Variants in TAOK3 observed in about 807,000 individuals in gnomAD.
TAOK3 encodes serine/threonine-protein kinase TAO3.
A neutral mutation model predicts 120.4 loss-of-function variants in TAOK3; 40 were observed. The ratio of observed to expected loss-of-function variants is 0.33; its 90% CI spans 0.26 to 0.43. The LOEUF (loss-of-function observed/expected upper bound fraction) is 0.43, where lower values mean the gene tolerates loss of function less well. Ranked by LOEUF, TAOK3 falls within the 20% of genes least tolerant of loss-of-function variation. The pLI is 1.00. For missense variants in TAOK3, 821 were observed against 1,112.1 expected, an observed-to-expected ratio of 0.74 and a Z score of 3.72; for synonymous variants, 355 against 387.5, an observed-to-expected ratio of 0.92 and a Z score of 0.99.
At chr12:118,278,332 C>T (rs1047781470) in intron 1 of TAOK3, among the ~76,000 whole-genome samples, 2 of 152,034 alleles carry the variant, frequency 1.3e-5, no homozygotes, top group African/African-American at 2.4e-5. Context: ...GTCTGTGATT[C>T]CCTTCTTTGT....
At chr12:118,223,354 T>C (rs1458980818) in intron 9 of TAOK3, among the ~76,000 whole-genome samples, 1 of 145,632 alleles carries the variant, frequency 6.9e-6, no homozygotes, top group African/African-American at 2.6e-5. Flanking sequence ...CCACCACGCC[T>C]GGCCATTTTT....
intron 1 of TAOK3, among the ~76,000 whole-genome samples, chr12:118,322,728 T>C: frequency 7.4e-6 from 1 of 135,346 alleles, no homozygotes; most frequent in East Asian, 2.3e-4. Flanking sequence ...CTTTTTTTTT[T>C]TTTTTTTTTT....
At chr12:118,155,343 T>C (rs1404998945) in intron 19 of TAOK3, among the ~76,000 whole-genome samples, 1 of 152,192 alleles carries the variant, frequency 6.6e-6, no homozygotes, top group East Asian at 1.9e-4. Flanking sequence ...AATTTATGTT[T>C]TGTCTATGGC....
At chr12:118,204,859 A>T (rs936338602) in intron 11 of TAOK3, among the ~76,000 whole-genome samples, 6 of 152,036 alleles carry the variant, frequency 3.9e-5, no homozygotes, top group African/African-American at 1.4e-4. Context: ...GCAAACCCCC[A>T]TCTCTACTAA....
At chr12:118,310,238 C>A (rs561051509) in intron 1 of TAOK3, among the ~76,000 whole-genome samples, 7 of 152,174 alleles carry the variant, frequency 4.6e-5, no homozygotes, top group African/African-American at 1.7e-4. Flanking sequence ...GAGCCGTGAT[C>A]GTGCCACTGC....
At position 118,346,008 on chromosome 12, in the gene TAOK3, G is replaced by C. The variant is rs534848017; in HGVS notation, c.-194+26640C>G. Among the ~76,000 whole-genome samples the C allele has an allele frequency of 3.9e-5, 6 of 152,210 alleles. No homozygotes were observed. The South Asian group carries it at 1.2e-3, about 32-fold the overall frequency. On this transcript the variant is annotated intron_variant, in intron 1 of 20. Coordinates refer to ENST00000392533, the MANE Select transcript of TAOK3 (RefSeq NM_016281.4). ...AGAAAACAATATATGTACTATAACT[G>C]TCCTAATTACTATTCCTAAAAATAC...
At chr12:118,352,936 C>G (rs769699573) in intron 1 of TAOK3, among the ~76,000 whole-genome samples, 3 of 152,186 alleles carry the variant, frequency 2.0e-5, no homozygotes, top group Non-Finnish European at 4.4e-5. Flanking sequence ...TCTCGAACTC[C>G]TGACCTCAGG....
intron 9 of TAOK3, among the ~76,000 whole-genome samples, chr12:118,230,188 T>C (rs2039700079): frequency 6.6e-6 from 1 of 152,150 alleles, no homozygotes; most frequent in African/African-American, 2.4e-5. Flanking sequence ...TTTTATCATA[T>C]AATTAACACA....
intron 13 of TAOK3, among the ~76,000 whole-genome samples, chr12:118,191,186 G>T (rs556996292): frequency 1.8e-4 from 27 of 152,070 alleles, no homozygotes; most frequent in Non-Finnish European, 3.2e-4. Flanking sequence ...TTTACATCCA[G>T]ATTTTTATGT....
chr12:118,186,716 C>T (rs1348164829), intron 14 of TAOK3, among the ~76,000 whole-genome samples: 2 of 152,136 alleles, frequency 1.3e-5, no homozygotes, highest in South Asian at 2.1e-4. Context: ...ATAATCTCTG[C>T]CCTTAGAAAA....
intron 1 of TAOK3, among the ~76,000 whole-genome samples, chr12:118,301,409 T>C (rs2042875440): frequency 6.6e-6 from 1 of 152,324 alleles, no homozygotes; most frequent in African/African-American, 2.4e-5. Flanking sequence ...TGTTGAAATT[T>C]TAAGGACCTT....
At chr12:118,297,331 T>C (rs1321344758) in intron 1 of TAOK3, among the ~76,000 whole-genome samples, 1 of 152,246 alleles carries the variant, frequency 6.6e-6, no homozygotes, top group Non-Finnish European at 1.5e-5. Context: ...TTAAACTTTA[T>C]GTAATCTGGC....
At chr12:118,215,545 AG>A (rs1256979435) in intron 9 of TAOK3, among the ~76,000 whole-genome samples, 1 of 151,874 alleles carries the variant, frequency 6.6e-6, no homozygotes. Flanking sequence ...AATCACTAAC[AG>A]AGCATGAGAG....
chr12:118,276,217 G>T (rs1309256936), intron 1 of TAOK3, among the ~76,000 whole-genome samples: 1 of 152,168 alleles, frequency 6.6e-6, no homozygotes, highest in African/African-American at 2.4e-5. Flanking sequence ...GTCTAAGAAA[G>T]AAATGATGAC....
At chr12:118,153,021 C>T (rs773112936) in intron 19 of TAOK3, among the ~76,000 whole-genome samples, 1 of 152,022 alleles carries the variant, frequency 6.6e-6, no homozygotes, top group Non-Finnish European at 1.5e-5. Context: ...AGGAATATAC[C>T]ACAGTACTGT....
At chr12:118,309,602 G>A (rs557464052) in intron 1 of TAOK3, among the ~76,000 whole-genome samples, 19 of 151,392 alleles carry the variant, frequency 1.3e-4, no homozygotes, top group South Asian at 4.2e-4. Flanking sequence ...TGCAACCTCC[G>A]CCTTCCGGGT....
intron 19 of TAOK3, chr12:118,152,648 G>C (rs530705322): frequency 2.2e-6 from 1 of 453,286 alleles, no homozygotes; most frequent in Non-Finnish European, 4.0e-6. Flanking sequence ...AGCAGCAGGC[G>C]TCAGGAAGGC....
intron 5 of TAOK3, 134 bp from the exon 6 acceptor site, chr12:118,239,406 T>C (rs529326877): frequency 5.3e-6 from 3 of 562,862 alleles, no homozygotes; most frequent in African/African-American, 2.0e-5. Context: ...TTGGACTGAA[T>C]TTTTGTCATC....
At chr12:118,342,016 C>G (rs1365618431) in intron 1 of TAOK3, among the ~76,000 whole-genome samples, 1 of 152,172 alleles carries the variant, frequency 6.6e-6, no homozygotes, top group Non-Finnish European at 1.5e-5. Context: ...GAGTGAGACT[C>G]TGTCTCAAAA....
Sources: allele counts gnomAD v4.1 joint callset (sites outside exome capture counted in the v4.1 genomes callset), GRCh38; gene constraint gnomAD v4.1.1; transcripts MANE v1.5; gene names NCBI Gene and HGNC (gene_info 2026-07-23, HGNC 2026-07-21).